The following TMPRSS11D variants were observed in gnomAD, a reference collection of about 807,000 sequenced individuals.
TMPRSS11D encodes transmembrane protease serine 11D.
TMPRSS11D carries 32 observed loss-of-function variants against 44.4 expected under a neutral mutation model. That is an observed-to-expected ratio of 0.72 (90% CI 0.54 to 0.97). The LOEUF is 0.97. TMPRSS11D is among the 50% of genes least tolerant of loss of function. The pLI is 0.00. For synonymous variants in TMPRSS11D, 179 were observed against 177.9 expected (o/e 1.01, Z -0.05); for missense variants, 446 against 502.6 (o/e 0.89, Z 1.08).
chr4:67,829,328 C>CT (rs1717885118), intron 7 of TMPRSS11D, among the ~76,000 whole-genome samples: 1 of 151,294 alleles, frequency 6.6e-6, no homozygotes, highest in Non-Finnish European at 1.5e-5. Flanking sequence ...TTTATTTTAT[C>CT]TTTTAATTTT....
At chr4:67,865,484 G>A (rs972405130) in intron 1 of TMPRSS11D, among the ~76,000 whole-genome samples, 1 of 151,588 alleles carries the variant, frequency 6.6e-6, no homozygotes, top group East Asian at 1.9e-4. Context: ...AATGATCAGA[G>A]CAGAACTAAA....
chr4:67,826,837 G>A (rs1428851071), intron 8 of TMPRSS11D, among the ~76,000 whole-genome samples: 1 of 151,928 alleles, frequency 6.6e-6, no homozygotes, highest in Admixed American at 6.6e-5. Context: ...GAAGCAAGAG[G>A]ATTTCTTAAG....
intron 1 of TMPRSS11D, among the ~76,000 whole-genome samples, chr4:67,875,121 G>C (rs1379638959): frequency 2.0e-5 from 3 of 152,172 alleles, no homozygotes; most frequent in Admixed American, 6.5e-5. Flanking sequence ...ATTTTCCCAG[G>C]AGGATTTTGT....
intron 5 of TMPRSS11D, among the ~76,000 whole-genome samples, chr4:67,837,407 T>C (rs1322450399): frequency 6.6e-6 from 1 of 152,160 alleles, no homozygotes; most frequent in Admixed American, 6.6e-5. Flanking sequence ...GTGGGCCTGA[T>C]GCAGTAATTG....
chr4:67,877,062 G>A (rs1372407142), intron 1 of TMPRSS11D, among the ~76,000 whole-genome samples: 2 of 152,160 alleles, frequency 1.3e-5, no homozygotes, highest in Non-Finnish European at 2.9e-5. Context: ...ACTGGCTGCT[G>A]AGGTGTGGTA....
chr4:67,828,907 ATCT>A (rs1343176702), intron 7 of TMPRSS11D, among the ~76,000 whole-genome samples: 7 of 152,064 alleles, frequency 4.6e-5, no homozygotes, highest in African/African-American at 7.2e-5. Flanking sequence ...GAAAAATAAC[ATCT>A]TCTTCTTATG....
chr4:67,864,965 GAC>G (rs1484333622), intron 1 of TMPRSS11D, among the ~76,000 whole-genome samples: 1 of 151,710 alleles, frequency 6.6e-6, no homozygotes, highest in African/African-American at 2.4e-5. Flanking sequence ...AGATCATCGA[GAC>G]AGAAAATCAA....
intron 6 of TMPRSS11D, among the ~76,000 whole-genome samples, chr4:67,834,586 G>A (rs1718028933): frequency 1.3e-5 from 2 of 152,082 alleles, no homozygotes; most frequent in African/African-American, 4.8e-5. Flanking sequence ...AGAGTACATA[G>A]GATGATGTTG....
At chr4:67,868,789 G>A (rs1560548827) in intron 1 of TMPRSS11D, among the ~76,000 whole-genome samples, 1 of 152,194 alleles carries the variant, frequency 6.6e-6, no homozygotes, top group East Asian at 1.9e-4. Context: ...TAATCTGGTG[G>A]CCCAGTTGGG....
In TMPRSS11D at chr4:67,825,891, C is replaced by A. The variant is rs1406312232; in HGVS notation, c.953-17G>T. The A allele has an allele frequency of 1.7e-5, 27 of 1,590,964 alleles. No homozygotes were observed. Among genetic ancestry groups the A allele is most frequent in the Admixed American group, 7.0e-5 (4 of 56,982 alleles). On this transcript the variant is annotated splice_polypyrimidine_tract_variant and intron_variant, in intron 8 of 9. Transcript: ENST00000283916. ...CTGTGTGGCCTGTTTGTTATAAAAG[C>A]AGGAAAAAAATGGACTTCAAGATGT...
chr4:67,838,267 T>C lies in TMPRSS11D; in HGVS notation c.380A>G (p.Asn127Ser), dbSNP rs755058043. Reference protein sequence around the residue: ...VMKFQFTRNNNGASMKSRIES... With the variant: ...VMKFQFTRNNSGASMKSRIES... The stretch of plus-strand genomic sequence containing the variant: ...AATTCTGCTTTTCATTGATGCTCCA[T>C]TGTTATTTCTAGTGAATTGAAATTT... The change falls in exon 5 of 10, where the codon AAT (asparagine) becomes AGT (serine). Residue 127 changes from asparagine to serine, a missense_variant. Physicochemically the swap from Asn to Ser is conservative, Grantham distance 46. Coordinates refer to ENST00000283916, the MANE Select transcript of TMPRSS11D (RefSeq NM_004262.3). 7 of 1,602,302 alleles carry C rather than the reference T, an allele frequency of 4.4e-6. No individual in the cohort carries two copies. Among genetic ancestry groups the C allele is most frequent in the Admixed American group, 3.5e-5 (2 of 57,616 alleles).
intron 1 of TMPRSS11D, among the ~76,000 whole-genome samples, chr4:67,861,958 A>C (rs1260686879): frequency 6.6e-6 from 1 of 152,192 alleles, no homozygotes; most frequent in African/African-American, 2.4e-5. Context: ...ATATGTTTGT[A>C]AACACTGAAT....
intron 6 of TMPRSS11D, among the ~76,000 whole-genome samples, 168 bp downstream of exon 6, chr4:67,834,915 A>G (rs1260753257): frequency 6.6e-6 from 1 of 152,134 alleles, no homozygotes; most frequent in East Asian, 1.9e-4. Flanking sequence ...AGTCCACTCC[A>G]TGGGACACTT....
chr4:67,879,630 G>T (rs1293790220), intron 1 of TMPRSS11D, among the ~76,000 whole-genome samples: 5 of 152,064 alleles, frequency 3.3e-5, no homozygotes, highest in African/African-American at 1.2e-4. Flanking sequence ...TTCAAGAAAA[G>T]AATGGTCTCT....
At chr4:67,845,333 G>A (rs965885327) in intron 3 of TMPRSS11D, among the ~76,000 whole-genome samples, 2 of 152,154 alleles carry the variant, frequency 1.3e-5, no homozygotes, top group Non-Finnish European at 2.9e-5. Context: ...GTAAGGAGAT[G>A]CTTGAAGAGT....
chr4:67,834,381 A>T (rs1718024512), intron 6 of TMPRSS11D, among the ~76,000 whole-genome samples: 2 of 152,180 alleles, frequency 1.3e-5, no homozygotes, highest in Admixed American at 1.3e-4. Flanking sequence ...TCACAGTTTC[A>T]TTAACAATAA....
At chr4:67,841,680 A>G (rs559985507) in intron 4 of TMPRSS11D, among the ~76,000 whole-genome samples, 45 of 152,290 alleles carry the variant, frequency 3.0e-4, no homozygotes, top group African/African-American at 1.0e-3. Context: ...TGATACAGAT[A>G]CTGACAAGAA....
At chr4:67,839,937 C>T (rs1234308635) in intron 4 of TMPRSS11D, among the ~76,000 whole-genome samples, 2 of 150,296 alleles carry the variant, frequency 1.3e-5, no homozygotes, top group Non-Finnish European at 3.0e-5. Flanking sequence ...CCCATTAACT[C>T]GTCATTTAGC....
intron 1 of TMPRSS11D, among the ~76,000 whole-genome samples, chr4:67,876,576 CA>C (rs1719195498): frequency 6.6e-6 from 1 of 152,120 alleles, no homozygotes; most frequent in South Asian, 2.1e-4. Context: ...AAGAGAGTTT[CA>C]AAAATATCCA....
Sources: allele counts gnomAD v4.1 joint callset (sites outside exome capture counted in the v4.1 genomes callset), GRCh38; gene constraint gnomAD v4.1.1; transcripts MANE v1.5; gene names NCBI Gene and HGNC (gene_info 2026-07-23, HGNC 2026-07-21).